SPTLC1: variants seen among roughly 807,000 people sequenced by gnomAD.
The protein encoded by SPTLC1 is serine palmitoyltransferase long chain base subunit 1, also known as serine palmitoyltransferase 1.
Under a neutral mutation model 68.9 loss-of-function variants are expected in SPTLC1, and 55 were observed. The observed-to-expected ratio is 0.80, with a 90% CI of 0.64 to 1.00. SPTLC1 has a LOEUF of 1.00. SPTLC1 is among the 50% of genes least tolerant of loss of function. The pLI, the probability that SPTLC1 is intolerant of heterozygous loss-of-function variation, is 0.00. For missense variants in SPTLC1, 449 were observed against 573.1 expected, an observed-to-expected ratio of 0.78 and a Z score of 2.21; for synonymous variants, 197 against 201.6, an observed-to-expected ratio of 0.98 and a Z score of 0.19.
Position 92,033,535 on chromosome 9 carries a change from AGTAAAC to A in SPTLC1, c.1329-983_1329-978del, listed in dbSNP as rs553258530. On this transcript the variant is annotated intron_variant, in intron 14 of 14. Transcript: ENST00000262554. ...TCATGCACCTACGGTCTTACTAACAAGTAAACGTAGGATGTAGGATTACACCTTTGG... is the reference window on the plus strand; with the variant it reads ...TCATGCACCTACGGTCTTACTAACAAGTAGGATGTAGGATTACACCTTTGG... Among the ~76,000 whole-genome samples, 179 of 152,312 alleles carry A rather than the reference AGTAAAC, an allele frequency of 1.2e-3. 2 individuals carry two copies. Among genetic ancestry groups the A allele is most frequent in the South Asian group, 9.9e-3 (48 of 4,830 alleles).
At chr9:92,086,501 A>T (rs1835138502) in intron 3 of SPTLC1, among the ~76,000 whole-genome samples, 4 of 152,252 alleles carry the variant, frequency 2.6e-5, no homozygotes, top group Admixed American at 2.6e-4. Flanking sequence ...TTCACTTACG[A>T]AGCTTAGTTT....
chr9:92,034,227 C>T (rs971450383), intron 14 of SPTLC1, among the ~76,000 whole-genome samples: 1 of 152,284 alleles, frequency 6.6e-6, no homozygotes, highest in African/African-American at 2.4e-5. Flanking sequence ...CCTGCTGTGA[C>T]TGCCTGGCCC....
chr9:92,074,157 T>TGGAG (rs1834594204), intron 5 of SPTLC1, among the ~76,000 whole-genome samples: 2 of 152,078 alleles, frequency 1.3e-5, no homozygotes, highest in African/African-American at 4.8e-5. Flanking sequence ...ACTCTTACAG[T>TGGAG]GGAGGGTAAG....
At chr9:92,035,010 A>G (rs1009059870) in intron 13 of SPTLC1, 127 bp from the exon 14 acceptor site, 1 of 819,172 alleles carries the variant, frequency 1.2e-6, no homozygotes, top group Non-Finnish European at 2.2e-6. Flanking sequence ...GCTAGAAGAT[A>G]TCACCAAAAT....
Position 92,090,622 on chromosome 9 carries a change from CA to C in SPTLC1, c.261-9660del, listed in dbSNP as rs897259161. ...GTGAGACCCTGTCTCAAAAAACAAA[CA>C]AAAAAAAATTGGACAGGAATTACTT... is the stretch of plus-strand genomic sequence containing the variant. On this transcript the variant is annotated intron_variant, in intron 3 of 14. Coordinates refer to ENST00000262554, the MANE Select transcript of SPTLC1 (RefSeq NM_006415.4). Among the ~76,000 whole-genome samples the C allele has an allele frequency of 1.9e-3, 174 of 93,888 alleles. 1 individual carries two copies. The South Asian group carries it at 0.029, about 16-fold the overall frequency. 61.6% of individuals were successfully genotyped at this position (93,888 alleles called of 152,430 possible). A position where few individuals can be genotyped will look rare whatever the true frequency, so the allele number is the denominator to read the frequency against.
chr9:92,104,261 G>T (rs368411225), intron 3 of SPTLC1, among the ~76,000 whole-genome samples: 2 of 152,180 alleles, frequency 1.3e-5, no homozygotes, highest in East Asian at 3.9e-4. Context: ...CCACGCCACC[G>T]GCAACCTGCT....
intron 5 of SPTLC1, among the ~76,000 whole-genome samples, chr9:92,078,168 C>A (rs1587951338): frequency 1.3e-5 from 2 of 152,172 alleles, no homozygotes; most frequent in South Asian, 2.1e-4. Context: ...AGCAAAAACT[C>A]CCTGATATCT....
intron 1 of SPTLC1, 23 bp from the exon 2 acceptor site, chr9:92,112,585 T>G: frequency 1.3e-6 from 2 of 1,485,486 alleles, no homozygotes; most frequent in Non-Finnish European, 1.9e-6. Flanking sequence ...CAAAAACAAG[T>G]AAGATATGAA....
rs796078125 is a variant in SPTLC1, at chr9:92,071,086, TA to T, written c.428-2989del. Among the ~76,000 whole-genome samples, 581 of 143,154 alleles carry T rather than the reference TA, an allele frequency of 4.1e-3. 3 individuals carry two copies. The highest frequency in any genetic ancestry group is 3.5e-3 in the Middle Eastern group (1 of 282). 93.9% of individuals were successfully genotyped at this position (143,154 alleles called of 152,430 possible). ...CATATTTTTGCATACATACTGTCCT[TA>T]AAAAAAAAAAAATCCCTAGAGGCCA... is the stretch of plus-strand genomic sequence containing the variant. On this transcript the variant is annotated intron_variant, in intron 5 of 14. Coordinates refer to ENST00000262554, the MANE Select transcript of SPTLC1 (RefSeq NM_006415.4).
chr9:92,079,248 G>T (rs1395004388), intron 5 of SPTLC1: 2 of 522,352 alleles, frequency 3.8e-6, no homozygotes, highest in Non-Finnish European at 5.8e-6. Flanking sequence ...GCTAATTTTT[G>T]TATTTTTAGT....
chr9:92,074,533 G>A (rs1384772883), intron 5 of SPTLC1, among the ~76,000 whole-genome samples: 4 of 151,424 alleles, frequency 2.6e-5, no homozygotes, highest in African/African-American at 9.7e-5. Flanking sequence ...CCACTCCTTC[G>A]CCTGCAACTG....
At chr9:92,083,516 G>C (rs1052445262) in intron 3 of SPTLC1, among the ~76,000 whole-genome samples, 7 of 152,206 alleles carry the variant, frequency 4.6e-5, no homozygotes, top group African/African-American at 1.7e-4. Flanking sequence ...CCCAATGCTT[G>C]ATTTTCTCAG....
At position 92,033,922 on chromosome 9, in the gene SPTLC1, C is replaced by T. The variant is rs918318888; in HGVS notation, c.1328+888G>A. Among the ~76,000 whole-genome samples, 31 of 152,136 alleles carry T rather than the reference C, an allele frequency of 2.0e-4. 1 individual carries two copies. Among genetic ancestry groups the T allele is most frequent in the Non-Finnish European group, 1.0e-4 (7 of 68,036 alleles). On this transcript the variant is annotated intron_variant, in intron 14 of 14. Coordinates refer to ENST00000262554, the MANE Select transcript of SPTLC1 (RefSeq NM_006415.4). ...CAAATCCTGGTCTGGCACTGTGGGC[C>T]GGCAGAGCATTCAAACTCCCCAGTG...
intron 3 of SPTLC1, among the ~76,000 whole-genome samples, chr9:92,087,653 A>G (rs1835198299): frequency 6.6e-6 from 1 of 152,036 alleles, no homozygotes. Flanking sequence ...GTCTGCCCCT[A>G]CTGGGGGGTG....
intron 5 of SPTLC1, among the ~76,000 whole-genome samples, chr9:92,075,749 T>C (rs1834661072): frequency 6.6e-6 from 1 of 152,140 alleles, no homozygotes; most frequent in African/African-American, 2.4e-5. Flanking sequence ...AAACATACTC[T>C]CGGCTCCCCA....
chr9:92,052,700 T>G (rs1391170926), intron 8 of SPTLC1, among the ~76,000 whole-genome samples: 2 of 151,904 alleles, frequency 1.3e-5, no homozygotes, highest in East Asian at 1.9e-4. Flanking sequence ...CGGCTAATTT[T>G]TTTGTATTTT....
At chr9:92,069,478 G>T (rs1030580794) in intron 5 of SPTLC1, among the ~76,000 whole-genome samples, 1 of 152,142 alleles carries the variant, frequency 6.6e-6, no homozygotes, top group African/African-American at 2.4e-5. Flanking sequence ...CGTATCCCAG[G>T]TGATCTTCGA....
intron 11 of SPTLC1, 95 bp from the exon 12 acceptor site, chr9:92,046,148 T>A: frequency 9.5e-7 from 1 of 1,047,790 alleles, no homozygotes; most frequent in Non-Finnish European, 1.4e-6. Context: ...TTCATCAATT[T>A]AAAATGCTAC....
At chr9:92,080,527 C>G (rs1190360671) in intron 4 of SPTLC1, among the ~76,000 whole-genome samples, 1 of 152,168 alleles carries the variant, frequency 6.6e-6, no homozygotes. Context: ...ATAGCGCTTT[C>G]CAATACTATG....
Sources: allele counts gnomAD v4.1 joint callset (sites outside exome capture counted in the v4.1 genomes callset), GRCh38; gene constraint gnomAD v4.1.1; transcripts MANE v1.5; gene names NCBI Gene and HGNC (gene_info 2026-07-23, HGNC 2026-07-21).